Variants in OGDH observed in about 807,000 individuals in gnomAD.
OGDH encodes oxoglutarate dehydrogenase.
In OGDH, 38 loss-of-function variants were observed where a neutral mutation model predicts 116.6. The observed-to-expected ratio is 0.33, with a 90% CI of 0.25 to 0.43. The LOEUF is 0.43. Among genes scored for constraint, OGDH ranks in the 20% least tolerant of loss-of-function variants. OGDH has a pLI of 1.00. For missense variants in OGDH, 825 were observed against 1,357.2 expected (o/e 0.61, Z 6.16); for synonymous variants, 488 against 533.3 (o/e 0.92, Z 1.17).
Position 44,697,314 on chromosome 7 carries a change from C to G in OGDH, c.2052-56C>G. On this transcript the variant is annotated intron_variant, in intron 15 of 22. Transcript: ENST00000222673. The surrounding 1 kb of genome is among the most constrained non-coding windows in gnomAD (Gnocchi z 6.0). ...GCTGGTGCTTCGTGCGGGTCCCCAG[C>G]GTATTTGCTTGTCAAGTCAGAGCTC... The G allele has an allele frequency of 6.2e-7, 1 of 1,607,608 alleles. No individual in the cohort carries two copies. The highest frequency in any genetic ancestry group is 1.1e-5 in the South Asian group (1 of 90,556).
intron 20 of OGDH, among the ~76,000 whole-genome samples, chr7:44,702,750 G>T (rs1382148208): frequency 6.6e-6 from 1 of 151,972 alleles, no homozygotes. Context: ...CCGCCACCAC[G>T]CCTGGCTAAT....
Position 44,708,165 on chromosome 7 carries a change from G to T in OGDH, c.*166G>T. 1 of 957,292 alleles carries T rather than the reference G, an allele frequency of 1.0e-6. No individual in the cohort carries two copies. Among genetic ancestry groups the T allele is most frequent in the Non-Finnish European group, 1.5e-6 (1 of 659,690 alleles). The allele number at this position is 957,292 out of a possible 1,614,324, so 59.3% of individuals were successfully genotyped here. A position where few individuals can be genotyped will look rare whatever the true frequency, so the allele number is the denominator to read the frequency against. On this transcript the variant is annotated 3_prime_UTR_variant, in exon 23 of 23. Transcript: ENST00000222673. ...GGAGTTAGGCTGTCGTCCCCCTCCAGTGCTTGGCTGCCCCACAGGCCACAC... is the reference window on the plus strand; with the variant it reads ...GGAGTTAGGCTGTCGTCCCCCTCCATTGCTTGGCTGCCCCACAGGCCACAC...
chr7:44,648,972 C>T (rs1025938560), intron 4 of OGDH, among the ~76,000 whole-genome samples: 2 of 152,040 alleles, frequency 1.3e-5, no homozygotes, highest in Non-Finnish European at 2.9e-5. Context: ...GAGCCTCTTC[C>T]CTACTGCTCA....
At chr7:44,630,290 C>T (rs571689374) in intron 2 of OGDH, among the ~76,000 whole-genome samples, 5 of 152,182 alleles carry the variant, frequency 3.3e-5, no homozygotes, top group Admixed American at 1.3e-4. Flanking sequence ...CCCTCCTAGC[C>T]GCTGCATGTG....
intron 10 of OGDH, among the ~76,000 whole-genome samples, chr7:44,684,422 A>C (rs779185926): frequency 2.0e-5 from 3 of 152,220 alleles, no homozygotes; most frequent in Non-Finnish European, 4.4e-5. Context: ...AGCAAATACT[A>C]AAGAGCTCAA....
chr7:44,688,555 CA>C (rs1455400194), intron 10 of OGDH, among the ~76,000 whole-genome samples: 1 of 151,250 alleles, frequency 6.6e-6, no homozygotes, highest in African/African-American at 2.4e-5. Flanking sequence ...CTCAGCCTCC[CA>C]AGTAGCTGGG....
intron 4 of OGDH, chr7:44,656,247 C>T: frequency 1.3e-6 from 2 of 1,486,598 alleles, no homozygotes; most frequent in Non-Finnish European, 1.8e-6. Context: ...GTGTTTGGGT[C>T]TTTTTTAAAC....
intron 9 of OGDH, among the ~76,000 whole-genome samples, chr7:44,678,232 G>A (rs1339078170): frequency 3.3e-5 from 5 of 152,066 alleles, no homozygotes; most frequent in African/African-American, 4.8e-5. Flanking sequence ...AGGTGAGATC[G>A]GCATGGGGAG....
At chr7:44,664,841 A>G (rs1231637556) in intron 4 of OGDH, among the ~76,000 whole-genome samples, 1 of 152,206 alleles carries the variant, frequency 6.6e-6, no homozygotes, top group Non-Finnish European at 1.5e-5. Flanking sequence ...GCTCAGCAGT[A>G]TAGCCCAAGA....
rs1049354975 is a variant in OGDH, at chr7:44,708,777, C to T, written c.*778C>T. The T allele has an allele frequency of 6.6e-6, 1 of 152,130 alleles. No individual in the cohort carries two copies. 9.4% of individuals were successfully genotyped at this position (152,130 alleles called of 1,614,324 possible). On this transcript the variant is annotated 3_prime_UTR_variant, in exon 23 of 23. Transcript: ENST00000222673. ...TCTTGGTCCTGTTAACCCTCCACCT[C>T]CTCTCTTGGACTCCCTCCCCACCCC...
rs539598280 is a variant in OGDH, at chr7:44,674,225, A to C, written c.789-186A>C. On this transcript the variant is annotated intron_variant, in intron 6 of 22. Transcript: ENST00000222673. ...ACGGCTGGCTAATTTTTATATTTTT[A>C]GTAGAGATGAGGTTTCACCGTGTTG... 2.0e-5 allele frequency among the ~76,000 whole-genome samples: 3 copies of C among 152,278 alleles called. No homozygotes were observed. In the East Asian group the frequency reaches 5.8e-4, roughly 29 times the overall value.
At chr7:44,631,561 G>A (rs1453016622) in intron 2 of OGDH, among the ~76,000 whole-genome samples, 1 of 152,152 alleles carries the variant, frequency 6.6e-6, no homozygotes, top group Non-Finnish European at 1.5e-5. Flanking sequence ...TCCAACTTTA[G>A]CACAGTATTT....
chr7:44,624,742 C>T (rs1785138071), intron 2 of OGDH, among the ~76,000 whole-genome samples, 177 bp downstream of exon 2: 1 of 152,148 alleles, frequency 6.6e-6, no homozygotes, highest in Admixed American at 6.5e-5. Flanking sequence ...GCCATGGTCC[C>T]TGGATTGGCG....
At position 44,697,612 on chromosome 7, in the gene OGDH, C is replaced by T. The variant is rs1788645287; in HGVS notation, c.2188C>T (p.Leu730=). ...LSEYGVLGFE[L]GFAMASPNAL... ...TCCTTTGTCCCTTGTAGGCTTTGAG[C>T]TGGGCTTCGCCATGGCCAGTCCTAA... The change falls in exon 17 of 23, where the codon CTG becomes TTG. Residue 730 remains leucine, a synonymous_variant. Coordinates refer to ENST00000222673, the MANE Select transcript of OGDH (RefSeq NM_002541.4). The surrounding 1 kb of genome is among the most constrained non-coding windows in gnomAD (Gnocchi z 6.0). The T allele has an allele frequency of 7.4e-6, 12 of 1,614,236 alleles. No individual in the cohort carries two copies. The highest frequency in any genetic ancestry group is 1.3e-5 in the African/African-American group (1 of 75,068).
At chr7:44,667,219 G>A (rs909096812) in intron 5 of OGDH, among the ~76,000 whole-genome samples, 1 of 152,152 alleles carries the variant, frequency 6.6e-6, no homozygotes, top group Non-Finnish European at 1.5e-5. Context: ...TCGAAGTGCT[G>A]GGATTACAAA....
At chr7:44,656,330 T>C (rs1010626281) in intron 4 of OGDH, 12 of 1,535,906 alleles carry the variant, frequency 7.8e-6, no homozygotes, top group Non-Finnish European at 8.7e-6. Flanking sequence ...CTTGCAGTTT[T>C]CAAGGAACGA....
At chr7:44,648,388 A>AC (rs1322204101) in intron 4 of OGDH, among the ~76,000 whole-genome samples, 1 of 151,868 alleles carries the variant, frequency 6.6e-6, no homozygotes, top group African/African-American at 2.4e-5. Context: ...TCCCACCTAC[A>AC]CCCCCTCCTC....
chr7:44,625,963 A>G (rs1785186670), intron 2 of OGDH, among the ~76,000 whole-genome samples: 1 of 151,880 alleles, frequency 6.6e-6, no homozygotes, highest in Non-Finnish European at 1.5e-5. Flanking sequence ...ACAGAGGGAG[A>G]CCCTGTCTCT....
At chr7:44,680,866 C>G (rs991403327) in intron 9 of OGDH, among the ~76,000 whole-genome samples, 14 of 152,156 alleles carry the variant, frequency 9.2e-5, no homozygotes, top group Non-Finnish European at 4.4e-5. Context: ...GGCAGCTGGA[C>G]AGAGCTGCTC....
Sources: gnomAD v4.1 joint callset for allele counts (sites outside exome capture counted in the v4.1 genomes callset) on GRCh38, gnomAD v4.1.1 for gene constraint, Gnocchi (gnomAD v3.1) non-coding constraint, MANE v1.5 for transcripts, NCBI Gene and HGNC (gene_info 2026-07-23, HGNC 2026-07-21) for gene names.